The following BORCS5 variants were observed in gnomAD, a reference collection of about 807,000 sequenced individuals.
The protein encoded by BORCS5 is BLOC-1-related complex subunit 5.
Under a neutral mutation model 22.1 loss-of-function variants are expected in BORCS5, and 17 were observed. The ratio of observed to expected loss-of-function variants is 0.77; its 90% CI spans 0.53 to 1.15. The LOEUF (loss-of-function observed/expected upper bound fraction) is 1.15, where lower values mean the gene tolerates loss of function less well. BORCS5 is among the 50% of genes most tolerant of loss of function. The pLI is 0.00. For synonymous variants in BORCS5, 117 were observed against 99.8 expected (o/e 1.17, Z -1.03); for missense variants, 247 against 253.2 (o/e 0.98, Z 0.17).
intron 3 of BORCS5, among the ~76,000 whole-genome samples, chr12:12,441,358 G>T (rs1942679534): frequency 6.6e-6 from 1 of 152,160 alleles, no homozygotes; most frequent in Non-Finnish European, 1.5e-5. Flanking sequence ...TTCAATCCTG[G>T]CTCCATCTCT....
rs1943224766 is a variant in BORCS5, at chr12:12,467,637, A to G, written c.*1861A>G. ...ATAGGCAAATTCAATACTCCCGGAAAGAATTCTAGTTAGTTTAATATTTTG... is the reference window on the plus strand; with the variant it reads ...ATAGGCAAATTCAATACTCCCGGAAGGAATTCTAGTTAGTTTAATATTTTG... On this transcript the variant is annotated 3_prime_UTR_variant, in exon 4 of 4. Transcript: ENST00000314565. 1 of 152,278 alleles carries G rather than the reference A, an allele frequency of 6.6e-6. No homozygotes were observed. Among genetic ancestry groups the G allele is most frequent in the South Asian group, 2.1e-4 (1 of 4,834 alleles). 9.4% of individuals were successfully genotyped at this position (152,278 alleles called of 1,614,324 possible).
intron 3 of BORCS5, among the ~76,000 whole-genome samples, chr12:12,458,231 TG>T (rs1943033907): frequency 6.6e-6 from 1 of 152,230 alleles, no homozygotes; most frequent in South Asian, 2.1e-4. Context: ...AACACCTCCT[TG>T]GCTCCTTTGT....
intron 2 of BORCS5, among the ~76,000 whole-genome samples, chr12:12,376,783 A>T (rs1388567438): frequency 1.3e-5 from 2 of 152,202 alleles, no homozygotes; most frequent in African/African-American, 4.8e-5. Context: ...TTAAATTTAT[A>T]GCAGTCCTGT....
chr12:12,420,155 C>A (rs1258022353), intron 2 of BORCS5, among the ~76,000 whole-genome samples: 7 of 146,782 alleles, frequency 4.8e-5, no homozygotes, highest in Non-Finnish European at 8.9e-5. Flanking sequence ...CCTAGGTTTT[C>A]TTCTAGGGTT....
At chr12:12,430,506 G>A (rs1942396460) in intron 2 of BORCS5, among the ~76,000 whole-genome samples, 1 of 152,106 alleles carries the variant, frequency 6.6e-6, no homozygotes, top group African/African-American at 2.4e-5. Flanking sequence ...AATTAAAGAT[G>A]AGGTTTTTAC....
intron 2 of BORCS5, among the ~76,000 whole-genome samples, chr12:12,430,062 T>G (rs973669701): frequency 6.6e-6 from 1 of 152,022 alleles, no homozygotes; most frequent in African/African-American, 2.4e-5. Context: ...GGTGCTCTAC[T>G]AGACATGAGA....
intron 2 of BORCS5, among the ~76,000 whole-genome samples, chr12:12,404,066 A>G (rs1419134891): frequency 6.6e-6 from 1 of 152,220 alleles, no homozygotes; most frequent in Non-Finnish European, 1.5e-5. Context: ...AAGAGCCCAT[A>G]TCTTCAAATA....
intron 2 of BORCS5, among the ~76,000 whole-genome samples, chr12:12,416,956 ATT>A (rs763610980): frequency 1.1e-4 from 15 of 133,930 alleles, no homozygotes; most frequent in Admixed American, 1.5e-4. Context: ...TACTTTTTGT[ATT>A]TTTTTTTTTT....
Position 12,393,071 on chromosome 12 carries a change from A to C in BORCS5, c.202+31722A>C, listed in dbSNP as rs189269175. 3.0e-3 allele frequency among the ~76,000 whole-genome samples: 449 copies of C among 152,074 alleles called. 6 individuals are homozygous for C. Among genetic ancestry groups the C allele is most frequent in the African/African-American group, 0.01 (429 of 41,422 alleles). On this transcript the variant is annotated intron_variant, in intron 2 of 3. Transcript: ENST00000314565. The stretch of plus-strand genomic sequence containing the variant: ...CAATATGGCAAAACTCCGTCTCTAC[A>C]AAAAATACAAAAAAATTAGACCAGC...
At chr12:12,430,360 C>G (rs1378063010) in intron 2 of BORCS5, among the ~76,000 whole-genome samples, 2 of 151,976 alleles carry the variant, frequency 1.3e-5, no homozygotes, top group Non-Finnish European at 2.9e-5. Flanking sequence ...ACCATGTTAG[C>G]CAGGGTGGTC....
At chr12:12,428,486 C>A (rs1040269733) in intron 2 of BORCS5, among the ~76,000 whole-genome samples, 32 of 152,218 alleles carry the variant, frequency 2.1e-4, no homozygotes, top group African/African-American at 7.7e-4. Context: ...TTACCATTTG[C>A]AAACCTAACC....
At chr12:12,361,784 G>A (rs1863292234) in intron 2 of BORCS5, among the ~76,000 whole-genome samples, 1 of 152,242 alleles carries the variant, frequency 6.6e-6, no homozygotes, top group East Asian at 1.9e-4. Context: ...ACAGTGGGTG[G>A]ACTAGTTCAG....
rs149623460 is a variant in BORCS5 at position 12,422,712 on chromosome 12, C to A, written c.203-12916C>A. On this transcript the variant is annotated intron_variant, in intron 2 of 3. Transcript: ENST00000314565. ...TGCTCCTTTCCAGCTTAGTTTCCAT[C>A]CCTTTCAGTTGTTAATGTCACAAGA... 3.5e-4 allele frequency among the ~76,000 whole-genome samples: 54 copies of A among 152,270 alleles called. No individual in the cohort carries two copies. The East Asian group carries it at 9.8e-3, about 28-fold the overall frequency.
At chr12:12,433,851 C>T (rs1592124329) in intron 2 of BORCS5, among the ~76,000 whole-genome samples, 1 of 152,148 alleles carries the variant, frequency 6.6e-6, no homozygotes, top group African/African-American at 2.4e-5. Context: ...CAGCATTTCC[C>T]AGGATTCTCT....
chr12:12,358,972 C>G (rs1269795102), intron 1 of BORCS5, among the ~76,000 whole-genome samples: 1 of 152,158 alleles, frequency 6.6e-6, no homozygotes, highest in African/African-American at 2.4e-5. Context: ...CTATGGCATC[C>G]CTGGATTAAC....
intron 2 of BORCS5, among the ~76,000 whole-genome samples, chr12:12,364,291 G>A (rs779629256): frequency 1.5e-4 from 23 of 152,118 alleles, no homozygotes; most frequent in Admixed American, 1.4e-3. Context: ...CACAAGAATC[G>A]CTTGAACCCG....
chr12:12,455,265 G>T (rs1409281700), intron 3 of BORCS5, among the ~76,000 whole-genome samples: 1 of 152,212 alleles, frequency 6.6e-6, no homozygotes, highest in Non-Finnish European at 1.5e-5. Flanking sequence ...CCTTTGGTTA[G>T]CTGACCTTGA....
chr12:12,416,743 G>C lies in BORCS5; in HGVS notation c.203-18885G>C, dbSNP rs1941969144. Among the ~76,000 whole-genome samples, 3 of 150,756 alleles carry C rather than the reference G, an allele frequency of 2.0e-5. No individual in the cohort carries two copies. The South Asian group carries it at 6.2e-4, about 31-fold the overall frequency. On this transcript the variant is annotated intron_variant, in intron 2 of 3. Transcript: ENST00000314565. The stretch of plus-strand genomic sequence containing the variant: ...ACTGAGTAGATGGGATTATAGATTT[G>C]AGTCACCGCACCCAACTCTTGTTTT...
chr12:12,400,584 A>C (rs1335125987), intron 2 of BORCS5, among the ~76,000 whole-genome samples: 1 of 110,856 alleles, frequency 9.0e-6, no homozygotes, highest in Non-Finnish European at 1.8e-5. Context: ...GTATGTCAGC[A>C]TACAGAAAAA....
Sources: allele counts gnomAD v4.1 joint callset (sites outside exome capture counted in the v4.1 genomes callset), GRCh38; gene constraint gnomAD v4.1.1; transcripts MANE v1.5; gene names NCBI Gene and HGNC (gene_info 2026-07-23, HGNC 2026-07-21).